KAZN: variants seen among roughly 807,000 people sequenced by gnomAD.
KAZN encodes kazrin.
Under a neutral mutation model 87.4 loss-of-function variants are expected in KAZN, and 40 were observed. The observed-to-expected ratio is 0.46, with a 90% CI of 0.36 to 0.60. The LOEUF (loss-of-function observed/expected upper bound fraction) is 0.60. Among genes scored for constraint, KAZN ranks in the 20% least tolerant of loss-of-function variants. The pLI is 0.00. For synonymous variants in KAZN, 466 were observed against 458.3 expected (o/e 1.02, Z -0.22); for missense variants, 898 against 1,073.9 (o/e 0.84, Z 2.29).
chr1:13,924,734 C>G (rs185322558), intron 1 of KAZN, among the ~76,000 whole-genome samples: 40 of 152,332 alleles, frequency 2.6e-4, no homozygotes, highest in African/African-American at 8.9e-4. Flanking sequence ...CCTTTCCAGA[C>G]TGAACCAGTG....
intron 2 of KAZN, among the ~76,000 whole-genome samples, chr1:14,395,567 G>A (rs1481189079): frequency 6.6e-6 from 1 of 152,126 alleles, no homozygotes; most frequent in East Asian, 1.9e-4. Flanking sequence ...ACTGGCTGTT[G>A]CAAAAGGCAG....
intron 2 of KAZN, among the ~76,000 whole-genome samples, chr1:14,549,119 A>G (rs753186313): frequency 6.6e-6 from 1 of 152,210 alleles, no homozygotes. Flanking sequence ...GATTTCACTT[A>G]TTAATTCTAA....
chr1:13,986,223 A>C (rs948764851), intron 1 of KAZN, among the ~76,000 whole-genome samples: 3 of 152,252 alleles, frequency 2.0e-5, no homozygotes, highest in African/African-American at 7.2e-5. Flanking sequence ...TCACGACATA[A>C]GATGATAAAA....
intron 4 of KAZN, among the ~76,000 whole-genome samples, chr1:15,046,229 C>T (rs950852507): frequency 2.1e-5 from 3 of 145,478 alleles, no homozygotes; most frequent in Non-Finnish European, 3.0e-5. Context: ...ACCCGGGAGG[C>T]GGAGGTTGCA....
At chr1:14,916,166 T>C (rs1657790103) in intron 1 of KAZN, among the ~76,000 whole-genome samples, 2 of 109,126 alleles carry the variant, frequency 1.8e-5, no homozygotes, top group Admixed American at 1.3e-4. Context: ...TTTTCACTGT[T>C]GTTCTTTTTT....
chr1:13,961,689 T>C (rs1641758983), intron 1 of KAZN, among the ~76,000 whole-genome samples: 1 of 152,194 alleles, frequency 6.6e-6, no homozygotes, highest in African/African-American at 2.4e-5. Flanking sequence ...ACTACTTTGT[T>C]ATAGTAGCCC....
chr1:14,962,209 G>A (rs1486643551), intron 2 of KAZN, among the ~76,000 whole-genome samples: 2 of 152,226 alleles, frequency 1.3e-5, no homozygotes, highest in African/African-American at 2.4e-5. Flanking sequence ...CAGAAAGCCT[G>A]GGAAGTCCTC....
At position 14,864,487 on chromosome 1, in the gene KAZN, G is replaced by A. The variant is rs557095084; in HGVS notation, c.227-96197G>A. 4.3e-4 allele frequency among the ~76,000 whole-genome samples: 65 copies of A among 152,270 alleles called. 1 individual carries two copies. Among genetic ancestry groups the A allele is most frequent in the Middle Eastern group, 3.4e-3 (1 of 294 alleles). Reference sequence around the variant, plus strand: ...TGAGGCAGGAGAATCACTTGAACCCGGGAGGTGGAGGTTGCAGTGAGCAGA... The same window carrying A: ...TGAGGCAGGAGAATCACTTGAACCCAGGAGGTGGAGGTTGCAGTGAGCAGA... On this transcript the variant is annotated intron_variant, in intron 1 of 14. Transcript: ENST00000376030.
At chr1:14,593,355 C>G (rs1382250911) in intron 2 of KAZN, among the ~76,000 whole-genome samples, 1 of 152,112 alleles carries the variant, frequency 6.6e-6, no homozygotes, top group East Asian at 1.9e-4. Context: ...ACAGGGGGAG[C>G]AGAAAGCAGA....
chr1:14,722,423 T>C (rs573190744), intron 1 of KAZN, among the ~76,000 whole-genome samples: 2 of 152,292 alleles, frequency 1.3e-5, no homozygotes, highest in East Asian at 3.9e-4. Flanking sequence ...AAAAATTCAA[T>C]TTAAAACCCA....
At chr1:14,257,235 T>C (rs2100637556) in intron 2 of KAZN, among the ~76,000 whole-genome samples, 1 of 152,010 alleles carries the variant, frequency 6.6e-6, no homozygotes, top group East Asian at 1.9e-4. Context: ...GATGAGCATT[T>C]CTTCATGTGT....
chr1:14,326,975 TCTC>T (rs1656480401), intron 2 of KAZN, among the ~76,000 whole-genome samples: 1 of 152,120 alleles, frequency 6.6e-6, no homozygotes, highest in Non-Finnish European at 1.5e-5. Context: ...TTGTCATGGA[TCTC>T]CTCCTATCCA....
At chr1:13,896,826 G>A (rs1328761737) in intron 1 of KAZN, among the ~76,000 whole-genome samples, 1 of 152,198 alleles carries the variant, frequency 6.6e-6, no homozygotes, top group Non-Finnish European at 1.5e-5. Flanking sequence ...GAGCGGTAAG[G>A]ATGCTTAAAG....
At chr1:14,809,175 T>C (rs1646324932) in intron 1 of KAZN, among the ~76,000 whole-genome samples, 1 of 152,142 alleles carries the variant, frequency 6.6e-6, no homozygotes. Context: ...TGGCCAGTCT[T>C]GGGGCTGAGC....
At chr1:14,294,492 ATTT>A (rs1236676486) in intron 2 of KAZN, among the ~76,000 whole-genome samples, 1 of 151,882 alleles carries the variant, frequency 6.6e-6, no homozygotes. Flanking sequence ...CTGTTCTCCC[ATTT>A]AACAGATGAG....
At chr1:15,048,722 C>T (rs1026148892) in intron 4 of KAZN, among the ~76,000 whole-genome samples, 9 of 144,212 alleles carry the variant, frequency 6.2e-5, no homozygotes, top group East Asian at 2.1e-4. Context: ...GGTCCTGGGT[C>T]GTTGGTCATG....
intron 1 of KAZN, among the ~76,000 whole-genome samples, chr1:13,974,521 A>G (rs1379132342): frequency 6.6e-6 from 1 of 152,228 alleles, no homozygotes; most frequent in East Asian, 1.9e-4. Context: ...ACCTAAATCC[A>G]GTGACAAGTG....
chr1:14,693,201 A>G (rs1222267236), intron 1 of KAZN, among the ~76,000 whole-genome samples: 2 of 152,184 alleles, frequency 1.3e-5, no homozygotes, highest in Admixed American at 6.5e-5. Context: ...ATAGGACAAA[A>G]GGACTGTCCG....
intron 2 of KAZN, among the ~76,000 whole-genome samples, chr1:14,522,479 T>C (rs1671637194): frequency 6.6e-6 from 1 of 152,152 alleles, no homozygotes; most frequent in Non-Finnish European, 1.5e-5. Context: ...GAGCCAGCTC[T>C]TCCAAAAGGT....
Sources: allele counts gnomAD v4.1 joint callset (sites outside exome capture counted in the v4.1 genomes callset), GRCh38; gene constraint gnomAD v4.1.1; transcripts MANE v1.5; gene names NCBI Gene and HGNC (gene_info 2026-07-23, HGNC 2026-07-21).